Variants in TULP2 observed in about 807,000 individuals in gnomAD.
TULP2 encodes tubby-related protein 2.
TULP2 carries 64 observed loss-of-function variants against 60.3 expected under a neutral mutation model. That is an observed-to-expected ratio of 1.06 (90% CI 0.87 to 1.31). The LOEUF is 1.31. TULP2 is among the 50% of genes most tolerant of loss of function. TULP2 has a pLI of 0.00. For synonymous variants in TULP2, 267 were observed against 265.4 expected, an observed-to-expected ratio of 1.01 and a Z score of -0.06; for missense variants, 652 against 667.0, an observed-to-expected ratio of 0.98 and a Z score of 0.25.
rs2037284114 is a variant in TULP2 at position 48,896,556 on chromosome 19, G to T, written c.85C>A (p.Arg29=). The change falls in exon 4 of 13, where the codon CGG becomes AGG. Residue 29 remains arginine, a splice_region_variant and synonymous_variant. Coordinates refer to ENST00000221399, the MANE Select transcript of TULP2 (RefSeq NM_003323.3). The part of the protein sequence containing the change: ...AMRLQKLEQQ[R]RLFEKKQRQK... The stretch of plus-strand genomic sequence containing the variant: ...CGCTGCTTCTTTTCAAACAGCCGCC[G>T]CTGGGGAGATGGGAGAGGTGGGTGT... 2.5e-6 allele frequency: 4 copies of T among 1,597,620 alleles called. No individual in the cohort carries two copies. Among genetic ancestry groups the T allele is most frequent in the African/African-American group, 1.3e-5 (1 of 74,100 alleles).
chr19:48,884,099 G>C (rs897295448), intron 9 of TULP2, 53 bp from the exon 10 acceptor site: 1 of 1,458,942 alleles, frequency 6.9e-7, no homozygotes. Flanking sequence ...TACTCTTTGA[G>C]TAAGTGTCAC....
chr19:48,883,959 G>C lies in TULP2; in HGVS notation c.1149C>G (p.Ile383Met). ...REHLTRNTAR[I>M]RQELGAVCYE... ...AACACACAGCCCCCAGCTCCTGTCT[G>C]ATCCGGGCAGTATTCCTGGTTAAAT... is the stretch of plus-strand genomic sequence containing the variant. The change falls in exon 10 of 13, where the codon ATC becomes ATG. Residue 383 changes from isoleucine (I) to methionine (M), a missense_variant. Ile to Met is a conservative substitution (Grantham distance 10). Transcript: ENST00000221399. The C allele has an allele frequency of 6.2e-7, 1 of 1,614,074 alleles. No individual in the cohort carries two copies.
intron 8 of TULP2, 53 bp downstream of exon 8, chr19:48,887,897 T>C: frequency 6.4e-7 from 1 of 1,564,544 alleles, no homozygotes; most frequent in Non-Finnish European, 8.7e-7. Flanking sequence ...GAGTGGGATT[T>C]TGCCTGGGAG....
chr19:48,881,311 G>A (rs2037129561), intron 12 of TULP2, among the ~76,000 whole-genome samples, 185 bp from the exon 13 acceptor site: 1 of 143,376 alleles, frequency 7.0e-6, no homozygotes, highest in African/African-American at 2.6e-5. Context: ...CCAGGTTCAA[G>A]CAGTTCTTCT....
At chr19:48,888,393 A>C in intron 7 of TULP2, 132 bp from the exon 8 acceptor site, 15 of 909,644 alleles carry the variant, frequency 1.6e-5, no homozygotes, top group Non-Finnish European at 2.4e-5. Context: ...CAAAAATCTC[A>C]TTCAGTCCAC....
At chr19:48,881,495 C>T (rs2037132301) in intron 12 of TULP2, among the ~76,000 whole-genome samples, 1 of 151,522 alleles carries the variant, frequency 6.6e-6, no homozygotes, top group Non-Finnish European at 1.5e-5. Flanking sequence ...CATTCTCCTG[C>T]CTCAGCCTCC....
chr19:48,885,526 C>T lies in TULP2; in HGVS notation c.983G>A (p.Ser328Asn). 1.9e-6 allele frequency: 3 copies of T among 1,613,996 alleles called. No individual in the cohort carries two copies. The highest frequency in any genetic ancestry group is 2.5e-6 in the Non-Finnish European group (3 of 1,179,954). Residue 328 changes from serine (S) to asparagine (N), a missense_variant, in exon 9 of 13, where the codon AGC (serine) becomes AAC (asparagine). Physicochemically the swap from Ser to Asn is conservative, Grantham distance 46 (BLOSUM62 1). Transcript: ENST00000221399. ...FLLAGRKRRRSKTSNYLISLD... is the reference protein window; with the variant it reads ...FLLAGRKRRRNKTSNYLISLD... ...GGAGATGAGGTAATTAGAAGTTTTG[C>T]TCCTTCTTCTCTTTCGCCCAGCCAG... is the stretch of plus-strand genomic sequence containing the variant.
chr19:48,895,393 C>G lies in TULP2; in HGVS notation c.322G>C (p.Gly108Arg). 6.2e-7 allele frequency: 1 copy of G among 1,613,822 alleles called. No individual in the cohort carries two copies. The highest frequency in any genetic ancestry group is 1.3e-5 in the African/African-American group (1 of 75,010). ...SCGGDGRGER[G>R]LPTPRTEAVF... ...GCTTCTGTCCGCGGTGTCGGGAGGC[C>G]GCGCTCGCCCCTGCCGTCTCCACCA... Residue 108 changes from glycine (G) to arginine (R), a missense_variant, in exon 5 of 13, where the codon GGC (glycine) becomes CGC (arginine). Transcript: ENST00000221399.
In TULP2 at chr19:48,897,734, C is replaced by A; in HGVS notation, c.32+103G>T. The A allele has an allele frequency of 3.2e-6, 4 of 1,269,278 alleles. No individual in the cohort carries two copies. Among genetic ancestry groups the A allele is most frequent in the Non-Finnish European group, 4.6e-6 (4 of 868,424 alleles). 78.6% of individuals were successfully genotyped at this position (1,269,278 alleles called of 1,614,324 possible). On this transcript the variant is annotated intron_variant, in intron 2 of 12. Transcript: ENST00000221399. This position sits in a 1 kb window ranked among gnomAD's most constrained non-coding sequence, Gnocchi z 4.0. ...GGTCCCCAGCCCCTTCCTGCAAGGC[C>A]GATGGTGCTGAACCTGCAAACATGG...
chr19:48,881,985 A>G (rs376709734), intron 12 of TULP2, 47 bp downstream of exon 12: 44 of 1,613,518 alleles, frequency 2.7e-5, no homozygotes, highest in Non-Finnish European at 3.7e-5. Context: ...TTCACACCCT[A>G]ACCCCCACCC....
rs2037266228 is a variant in TULP2, at chr19:48,895,071, A to G, written c.441T>C (p.Gly147=). The change falls in exon 6 of 13, where the codon GGT becomes GGC. Residue 147 remains glycine (G), a synonymous_variant. Coordinates refer to ENST00000221399, the MANE Select transcript of TULP2 (RefSeq NM_003323.3). ...AELEEVSVEN[G]SVSPPPFKQS... Reference sequence around the variant, plus strand: ...GTTTAAAAGGTGGGGGAGAGACGGAACCATTCTCCACGGAGACTTCCTCCA... The same window carrying G: ...GTTTAAAAGGTGGGGGAGAGACGGAGCCATTCTCCACGGAGACTTCCTCCA... 6.2e-7 allele frequency: 1 copy of G among 1,614,122 alleles called. No homozygotes were observed.
At chr19:48,896,215 C>CCCCT (rs1433503737) in intron 4 of TULP2, among the ~76,000 whole-genome samples, 12 of 152,100 alleles carry the variant, frequency 7.9e-5, no homozygotes, top group Non-Finnish European at 1.2e-4. Context: ...CTGCCCCGAA[C>CCCCT]CCCTCCCTCA....
intron 6 of TULP2, among the ~76,000 whole-genome samples, chr19:48,890,882 T>C (rs904164279): frequency 1.3e-5 from 2 of 152,048 alleles, no homozygotes; most frequent in Non-Finnish European, 2.9e-5. Flanking sequence ...GATGGGGGGA[T>C]GGAGTTTGGG....
Position 48,889,559 on chromosome 19 carries a change from T to C in TULP2, c.587A>G (p.Asn196Ser). 1 of 1,587,544 alleles carries C rather than the reference T, an allele frequency of 6.3e-7. No individual in the cohort carries two copies. The highest frequency in any genetic ancestry group is 8.6e-7 in the Non-Finnish European group (1 of 1,158,384). The change falls in exon 7 of 13, where the codon AAC becomes AGC. Residue 196 changes from asparagine (N) to serine (S), a missense_variant. Coordinates refer to ENST00000221399, the MANE Select transcript of TULP2 (RefSeq NM_003323.3). ...TACACAGTCACCATCCATTCCAGGG[T>C]TTGGTCCCATATTGGGTGACTTGTG... is the stretch of plus-strand genomic sequence containing the variant. ...DAHKSPNMGP[N>S]PGMDGDCVYE...
At chr19:48,892,357 T>C (rs1231659994) in intron 6 of TULP2, among the ~76,000 whole-genome samples, 1 of 152,226 alleles carries the variant, frequency 6.6e-6, no homozygotes, top group East Asian at 1.9e-4. Flanking sequence ...TCACAAAGCA[T>C]ACTGCCTGCA....
At chr19:48,896,225 A>G (rs1600029834) in intron 4 of TULP2, among the ~76,000 whole-genome samples, 1 of 142,220 alleles carries the variant, frequency 7.0e-6, no homozygotes, top group East Asian at 2.0e-4. Flanking sequence ...CCCCTCCCTC[A>G]CAGGTCCTGC....
At chr19:48,896,708 G>A (rs2037285935) in intron 3 of TULP2, 152 bp from the exon 4 acceptor site, 2 of 899,302 alleles carry the variant, frequency 2.2e-6, no homozygotes, top group Non-Finnish European at 3.2e-6. Flanking sequence ...CAGTTCTTCA[G>A]CAGCTCCTCC....
In TULP2 at chr19:48,883,844, G is replaced by A. The variant is rs760935263; in HGVS notation, c.1185C>T (p.Asn395=). The stretch of plus-strand genomic sequence containing the variant: ...TCCGAGGCCCCAGGTATCCTAAGAC[G>A]TTGGGCTCCTGGGGGTATTACATTC... ...QELGAVCYEP[N]VLGYLGPRKM... The change falls in exon 11 of 13, where the codon AAC becomes AAT. Residue 395 remains asparagine, a synonymous_variant. Coordinates refer to ENST00000221399, the MANE Select transcript of TULP2 (RefSeq NM_003323.3). 1.5e-5 allele frequency: 25 copies of A among 1,614,088 alleles called. No individual in the cohort carries two copies. Among genetic ancestry groups the A allele is most frequent in the Non-Finnish European group, 1.9e-5 (23 of 1,180,016 alleles).
At position 48,882,589 on chromosome 19, in the gene TULP2, AC is replaced by A. The variant is rs529703490; in HGVS notation, c.1276-387del. On this transcript the variant is annotated intron_variant, in intron 11 of 12. Transcript: ENST00000221399. ...ATTTATAACCTGGCGCATCCACCCTACTGCCGTGTAGGGTTTCCATTGGCTG... is the reference window on the plus strand; with the variant it reads ...ATTTATAACCTGGCGCATCCACCCTATGCCGTGTAGGGTTTCCATTGGCTG... 4.6e-4 allele frequency among the ~76,000 whole-genome samples: 70 copies of A among 152,276 alleles called. No homozygotes were observed. The Middle Eastern group carries it at 0.01, about 22-fold the overall frequency.
Sources: allele counts gnomAD v4.1 joint callset (sites outside exome capture counted in the v4.1 genomes callset), GRCh38; gene constraint gnomAD v4.1.1; non-coding constraint Gnocchi (gnomAD v3.1); transcripts MANE v1.5; gene names NCBI Gene and HGNC (gene_info 2026-07-23, HGNC 2026-07-21).